The following TBC1D15 variants were observed in gnomAD, a reference collection of about 807,000 sequenced individuals.
TBC1D15 encodes the protein GAP for RAB7.
TBC1D15 carries 39 observed loss-of-function variants against 95.4 expected under a neutral mutation model. That is an observed-to-expected ratio of 0.41 (90% CI 0.32 to 0.53). TBC1D15 has a LOEUF of 0.53. Among genes scored for constraint, TBC1D15 ranks in the 20% least tolerant of loss-of-function variants. The pLI is 0.29. For missense variants in TBC1D15, 733 were observed against 794.3 expected, an observed-to-expected ratio of 0.92 and a Z score of 0.93; for synonymous variants, 258 against 261.3, an observed-to-expected ratio of 0.99 and a Z score of 0.12.
intron 14 of TBC1D15, among the ~76,000 whole-genome samples, chr12:71,920,491 T>G (rs930010296): frequency 6.6e-6 from 1 of 152,186 alleles, no homozygotes; most frequent in Admixed American, 6.5e-5. Flanking sequence ...TTACTTACTA[T>G]AGTTACCTTA....
At chr12:71,866,140 TG>T (rs1329123303) in intron 1 of TBC1D15, among the ~76,000 whole-genome samples, 2 of 151,676 alleles carry the variant, frequency 1.3e-5, no homozygotes, top group African/African-American at 4.8e-5. Flanking sequence ...ACAGCTGGCT[TG>T]GGGATGGGCC....
intron 1 of TBC1D15, among the ~76,000 whole-genome samples, chr12:71,861,902 C>T (rs1056343775): frequency 8.6e-5 from 12 of 139,316 alleles, no homozygotes; most frequent in African/African-American, 3.6e-4. Context: ...TTGTTTGTTT[C>T]AAGAAATTTA....
chr12:71,852,444 G>A (rs900535887), intron 1 of TBC1D15, among the ~76,000 whole-genome samples: 4 of 152,194 alleles, frequency 2.6e-5, no homozygotes, highest in African/African-American at 7.2e-5. Flanking sequence ...AAATTTCTGC[G>A]GTGAGTTTGA....
At chr12:71,887,695 A>T (rs1047308591) in intron 5 of TBC1D15, among the ~76,000 whole-genome samples, 1 of 152,122 alleles carries the variant, frequency 6.6e-6, no homozygotes, top group African/African-American at 2.4e-5. Flanking sequence ...TAGTTTTCCT[A>T]TCTCTGCTCC....
chr12:71,899,199 C>T (rs532756060), intron 10 of TBC1D15, among the ~76,000 whole-genome samples: 1 of 152,296 alleles, frequency 6.6e-6, no homozygotes, highest in African/African-American at 2.4e-5. Context: ...CTGATATTCT[C>T]AACCTTTCAT....
intron 14 of TBC1D15, among the ~76,000 whole-genome samples, chr12:71,919,694 GT>G (rs1344526842): frequency 1.3e-5 from 2 of 152,110 alleles, no homozygotes; most frequent in Non-Finnish European, 1.5e-5. Flanking sequence ...TAATTTGGGG[GT>G]TAAAAATGGG....
intron 14 of TBC1D15, among the ~76,000 whole-genome samples, 183 bp from the exon 15 acceptor site, chr12:71,920,548 G>A (rs1343572010): frequency 1.3e-5 from 2 of 152,090 alleles, no homozygotes; most frequent in Non-Finnish European, 2.9e-5. Flanking sequence ...CTCGATGATA[G>A]TTACTTTGTA....
At chr12:71,887,087 GATTGAATCTCTTGAAAA>G (rs1896372316) in intron 5 of TBC1D15, among the ~76,000 whole-genome samples, 1 of 152,096 alleles carries the variant, frequency 6.6e-6, no homozygotes, top group Non-Finnish European at 1.5e-5. Flanking sequence ...GCAAACTACT[GATTGAATCTCTTGAAAA>G]ATATGTGGTA....
At chr12:71,897,963 T>C in intron 10 of TBC1D15, 22 bp downstream of exon 10, 2 of 1,562,900 alleles carry the variant, frequency 1.3e-6, no homozygotes, top group Non-Finnish European at 1.8e-6. Context: ...TTAACAACTT[T>C]GGAAATGCAA....
chr12:71,858,755 C>T lies in TBC1D15; in HGVS notation c.31-13315C>T, dbSNP rs193103500. On this transcript the variant is annotated intron_variant, in intron 1 of 16. Transcript: ENST00000485960. ...ATATTTTTTTAGAGATAGGGTTTCACCATGTTGCCCAGGCTGGTCTTGAAC... is the reference window on the plus strand; with the variant it reads ...ATATTTTTTTAGAGATAGGGTTTCATCATGTTGCCCAGGCTGGTCTTGAAC... Among the ~76,000 whole-genome samples, 18 of 151,922 alleles carry T rather than the reference C, an allele frequency of 1.2e-4. 1 individual carries two copies. Among genetic ancestry groups the T allele is most frequent in the Admixed American group, 1.1e-3 (17 of 15,260 alleles).
intron 1 of TBC1D15, among the ~76,000 whole-genome samples, chr12:71,864,445 A>G (rs1331739459): frequency 3.3e-5 from 5 of 150,936 alleles, no homozygotes; most frequent in Non-Finnish European, 4.4e-5. Context: ...TAAACTCTGT[A>G]GAGTGGCTTT....
chr12:71,861,632 C>A, intron 1 of TBC1D15: 1 of 609,612 alleles, frequency 1.6e-6, no homozygotes, highest in Non-Finnish European at 2.5e-6. Flanking sequence ...ATTTTGGCTG[C>A]CTTTAACTAA....
Position 71,853,637 on chromosome 12 carries a change from A to G in TBC1D15, c.30+13826A>G, listed in dbSNP as rs57553329. Among the ~76,000 whole-genome samples the G allele has an allele frequency of 1.9e-3, 290 of 152,230 alleles. 2 individuals carry two copies. The highest frequency in any genetic ancestry group is 6.8e-3 in the African/African-American group (281 of 41,516). Reference sequence around the variant, plus strand: ...TGGTAAATTTTTTACTGGATGTCAGATATGTTGAATTCTCTTTTTGGGTGC... The same window carrying G: ...TGGTAAATTTTTTACTGGATGTCAGGTATGTTGAATTCTCTTTTTGGGTGC... On this transcript the variant is annotated intron_variant, in intron 1 of 16. Transcript: ENST00000485960.
chr12:71,844,446 T>C (rs1221796747), intron 1 of TBC1D15, among the ~76,000 whole-genome samples: 1 of 152,234 alleles, frequency 6.6e-6, no homozygotes, highest in Non-Finnish European at 1.5e-5. Context: ...TAAGAACATA[T>C]ATCCTCTGCT....
chr12:71,923,047 C>A lies in TBC1D15; in HGVS notation c.1868C>A (p.Ser623Ter). 7.4e-6 allele frequency: 12 copies of A among 1,614,218 alleles called. No individual in the cohort carries two copies. The highest frequency in any genetic ancestry group is 1.0e-5 in the Non-Finnish European group (12 of 1,180,040). The stretch of plus-strand genomic sequence containing the variant: ...GGCAGTGAAGTTACAACACCAGATT[C>A]AGACGTTGGTGAAGACGAAAATGTT... ...LQGSEVTTPD[S>*]DVGEDENVVM... Residue 623 changes from serine (S) to a stop codon, truncating the protein, a stop_gained, in exon 17 of 17, where the codon TCA (serine) becomes TAA (stop). Transcript: ENST00000485960. LOFTEE classifies it high-confidence loss of function.
chr12:71,904,889 C>T (rs2138860837), intron 10 of TBC1D15, among the ~76,000 whole-genome samples: 1 of 152,214 alleles, frequency 6.6e-6, no homozygotes, highest in Non-Finnish European at 1.5e-5. Context: ...AGCAGGATTG[C>T]CAAACAGCAT....
intron 4 of TBC1D15, among the ~76,000 whole-genome samples, chr12:71,881,305 G>C (rs900235971): frequency 1.3e-5 from 2 of 152,108 alleles, no homozygotes; most frequent in African/African-American, 2.4e-5. Context: ...TGCTATATAG[G>C]TTTGTAGCCC....
intron 2 of TBC1D15, 84 bp from the exon 3 acceptor site, chr12:71,872,845 A>G (rs1028490109): frequency 1.0e-6 from 1 of 967,052 alleles, no homozygotes; most frequent in African/African-American, 1.6e-5. Flanking sequence ...AGAGGCTGAA[A>G]TTTTATTTTG....
intron 12 of TBC1D15, among the ~76,000 whole-genome samples, chr12:71,916,350 G>C (rs1489639549): frequency 6.6e-6 from 1 of 152,126 alleles, no homozygotes; most frequent in Non-Finnish European, 1.5e-5. Context: ...GGTATTCCCA[G>C]ATCAGCTCTA....
Sources: gnomAD v4.1 joint callset for allele counts (sites outside exome capture counted in the v4.1 genomes callset) on GRCh38, gnomAD v4.1.1 for gene constraint, MANE v1.5 for transcripts, NCBI Gene and HGNC (gene_info 2026-07-23, HGNC 2026-07-21) for gene names.